Variants in SNTG2 observed in about 807,000 individuals in gnomAD.
SNTG2 encodes the protein gamma-2-syntrophin.
SNTG2 carries 74 observed loss-of-function variants against 70.9 expected under a neutral mutation model. The observed-to-expected ratio is 1.04, with a 90% CI of 0.86 to 1.27. SNTG2 has a LOEUF of 1.27. Ranked by LOEUF, SNTG2 falls within the 50% of genes most tolerant of loss-of-function variation. The pLI, the probability that SNTG2 is intolerant of heterozygous loss-of-function variation, is 0.00. For missense variants in SNTG2, 717 were observed against 690.7 expected (o/e 1.04, Z -0.43); for synonymous variants, 278 against 273.8 (o/e 1.02, Z -0.15).
chr2:996,806 G>A (rs560226032), intron 1 of SNTG2, among the ~76,000 whole-genome samples: 1 of 151,046 alleles, frequency 6.6e-6, no homozygotes, highest in East Asian at 2.0e-4. Context: ...CTCTGTAGCA[G>A]TGAATGAACA....
chr2:1,007,314 C>T (rs557583225), intron 1 of SNTG2, among the ~76,000 whole-genome samples: 2 of 152,260 alleles, frequency 1.3e-5, no homozygotes, highest in South Asian at 4.1e-4. Flanking sequence ...TCATAAATCA[C>T]GTCTCTAAAC....
intron 1 of SNTG2, among the ~76,000 whole-genome samples, chr2:1,028,331 A>G (rs1322575016): frequency 1.3e-5 from 2 of 152,266 alleles, no homozygotes; most frequent in Non-Finnish European, 2.9e-5. Context: ...GGTGCATCTG[A>G]CCCACAGACA....
intron 16 of SNTG2, among the ~76,000 whole-genome samples, chr2:1,317,319 C>T (rs553016580): frequency 7.9e-4 from 65 of 82,054 alleles, no homozygotes; most frequent in African/African-American, 2.4e-3. Context: ...TAGCATCAGG[C>T]CAGCATTGGA....
intron 1 of SNTG2, among the ~76,000 whole-genome samples, chr2:981,502 A>G (rs1661093576): frequency 6.6e-6 from 1 of 150,396 alleles, no homozygotes; most frequent in Admixed American, 6.6e-5. Flanking sequence ...CATGTGTCCT[A>G]CACATGCAAG....
At chr2:1,259,091 T>C (rs974486470) in intron 12 of SNTG2, among the ~76,000 whole-genome samples, 3 of 152,178 alleles carry the variant, frequency 2.0e-5, no homozygotes, top group African/African-American at 7.2e-5. Context: ...CAAGATATCA[T>C]AGATATCAAT....
chr2:1,036,115 T>G (rs1661113918), intron 1 of SNTG2, among the ~76,000 whole-genome samples: 1 of 152,200 alleles, frequency 6.6e-6, no homozygotes, highest in African/African-American at 2.4e-5. Flanking sequence ...GATTTTTAAC[T>G]TACGGTTTAT....
At chr2:1,076,609 T>C (rs1453308301) in intron 1 of SNTG2, among the ~76,000 whole-genome samples, 1 of 152,196 alleles carries the variant, frequency 6.6e-6, no homozygotes, top group Non-Finnish European at 1.5e-5. Context: ...CTAGAAGGCA[T>C]CAGTGTGCTA....
intron 4 of SNTG2, among the ~76,000 whole-genome samples, chr2:1,123,334 T>C (rs148170086): frequency 2.0e-5 from 3 of 152,268 alleles, no homozygotes; most frequent in African/African-American, 7.2e-5. Flanking sequence ...ATCAAAACAG[T>C]ATGGTGTTGG....
At chr2:1,242,991 G>C (rs571874894) in intron 11 of SNTG2, among the ~76,000 whole-genome samples, 1 of 152,186 alleles carries the variant, frequency 6.6e-6, no homozygotes, top group Non-Finnish European at 1.5e-5. Context: ...AATTAGCTTT[G>C]CTTAAAATTA....
chr2:1,087,618 G>A (rs530608655), intron 2 of SNTG2, among the ~76,000 whole-genome samples: 3 of 152,222 alleles, frequency 2.0e-5, no homozygotes, highest in African/African-American at 7.2e-5. Flanking sequence ...TTGAATGATT[G>A]AGCGCATAAG....
chr2:1,191,673 T>C (rs886839163), intron 8 of SNTG2, among the ~76,000 whole-genome samples: 4 of 152,108 alleles, frequency 2.6e-5, no homozygotes, highest in Admixed American at 2.0e-4. Flanking sequence ...CGCTCGCCTG[T>C]AGTCCCAGCT....
At chr2:1,092,315 C>T (rs917147986) in intron 2 of SNTG2, among the ~76,000 whole-genome samples, 1 of 151,066 alleles carries the variant, frequency 6.6e-6, no homozygotes, top group Non-Finnish European at 1.5e-5. Flanking sequence ...TCTCTCCTTA[C>T]AAGAGTGAGG....
At chr2:1,138,827 T>A (rs1263090108) in intron 6 of SNTG2, among the ~76,000 whole-genome samples, 1 of 152,158 alleles carries the variant, frequency 6.6e-6, no homozygotes, top group Non-Finnish European at 1.5e-5. Context: ...AACTCTTAGT[T>A]CCAAGGAAGG....
At chr2:1,327,419 A>C (rs1424449808) in intron 16 of SNTG2, among the ~76,000 whole-genome samples, 1 of 152,198 alleles carries the variant, frequency 6.6e-6, no homozygotes, top group East Asian at 1.9e-4. Context: ...ATCATCATTT[A>C]ATTTAGCTTA....
intron 1 of SNTG2, among the ~76,000 whole-genome samples, chr2:991,789 G>A (rs1267003841): frequency 6.6e-6 from 1 of 152,188 alleles, no homozygotes; most frequent in Non-Finnish European, 1.5e-5. Context: ...GGCAGCAGTG[G>A]TGACAGCAAA....
rs1464932028 is a variant in SNTG2 at position 1,282,447 on chromosome 2, T to C, written c.1284+14876T>C. Reference sequence around the variant, plus strand: ...AAAACATCGTTGATCAAAGAAACGCTACTGCATGCTTTGGAAGTCAGAAAT... The same window carrying C: ...AAAACATCGTTGATCAAAGAAACGCCACTGCATGCTTTGGAAGTCAGAAAT... On this transcript the variant is annotated intron_variant, in intron 14 of 16. Transcript: ENST00000308624. 2.0e-5 allele frequency among the ~76,000 whole-genome samples: 3 copies of C among 152,352 alleles called. No individual in the cohort carries two copies. The East Asian group carries it at 5.8e-4, about 29-fold the overall frequency.
chr2:1,152,499 AT>A (rs1467892497), intron 6 of SNTG2, among the ~76,000 whole-genome samples: 1 of 152,124 alleles, frequency 6.6e-6, no homozygotes, highest in Non-Finnish European at 1.5e-5. Flanking sequence ...GGATGCGTAT[AT>A]TCGGTGTGTG....
intron 1 of SNTG2, among the ~76,000 whole-genome samples, chr2:1,064,202 G>T (rs1294880572): frequency 6.6e-6 from 1 of 151,988 alleles, no homozygotes. Context: ...CTTCAACAAT[G>T]AACGTGTATT....
intron 4 of SNTG2, among the ~76,000 whole-genome samples, chr2:1,115,164 C>T (rs1156543692): frequency 6.6e-6 from 1 of 150,712 alleles, no homozygotes; most frequent in Non-Finnish European, 1.5e-5. Flanking sequence ...ATCGTGTGTG[C>T]CAAGTGAGGT....
Sources: allele counts gnomAD v4.1 joint callset (sites outside exome capture counted in the v4.1 genomes callset), GRCh38; gene constraint gnomAD v4.1.1; transcripts MANE v1.5; gene names NCBI Gene and HGNC (gene_info 2026-07-23, HGNC 2026-07-21).